The following DLGAP2 variants were observed in gnomAD, a reference collection of about 807,000 sequenced individuals.
The protein encoded by DLGAP2 is disks large-associated protein 2.
In DLGAP2, 26 loss-of-function variants were observed where a neutral mutation model predicts 100.3. That is an observed-to-expected ratio of 0.26 (90% CI 0.19 to 0.36). The LOEUF (loss-of-function observed/expected upper bound fraction) is 0.36. Ranked by LOEUF, DLGAP2 falls within the 10% of genes least tolerant of loss-of-function variation. The pLI is 1.00. For missense variants in DLGAP2, 1,858 were observed against 1,453.2 expected (o/e 1.28, Z -4.53); for synonymous variants, 886 against 630.1 (o/e 1.41, Z -6.08).
intron 2 of DLGAP2, among the ~76,000 whole-genome samples, chr8:997,857 CAT>C (rs994230998): frequency 1.2e-4 from 18 of 146,140 alleles, no homozygotes; most frequent in African/African-American, 3.9e-4. Flanking sequence ...TACATACACA[CAT>C]ACACACAAAC....
intron 3 of DLGAP2, among the ~76,000 whole-genome samples, chr8:1,441,514 C>T (rs1322531074): frequency 1.3e-5 from 2 of 151,674 alleles, no homozygotes; most frequent in Non-Finnish European, 2.9e-5. Flanking sequence ...ATGGTGAAAC[C>T]CCGTCTCTAC....
intron 2 of DLGAP2, among the ~76,000 whole-genome samples, chr8:1,171,981 A>G (rs149936505): frequency 0.2 from 30,807 of 151,978 alleles, 4,004 homozygotes; most frequent in Non-Finnish European, 0.29. Flanking sequence ...CCTAGTCTGG[A>G]TGGTCTTTAC....
chr8:1,525,962 T>G (rs561723438), intron 4 of DLGAP2, among the ~76,000 whole-genome samples: 1 of 152,076 alleles, frequency 6.6e-6, no homozygotes, highest in Non-Finnish European at 1.5e-5. Context: ...TGTTTCAGAT[T>G]TGGAATTTTT....
At chr8:815,026 C>T (rs576554229) in intron 1 of DLGAP2, among the ~76,000 whole-genome samples, 6 of 152,064 alleles carry the variant, frequency 3.9e-5, no homozygotes, top group Admixed American at 1.3e-4. Context: ...GCACAGTTAA[C>T]GGAGCGGATA....
intron 1 of DLGAP2, among the ~76,000 whole-genome samples, chr8:907,250 A>G (rs1798399568): frequency 6.6e-6 from 1 of 152,178 alleles, no homozygotes; most frequent in Non-Finnish European, 1.5e-5. Flanking sequence ...CTTTTCCTCT[A>G]ATTGAGTTTA....
In DLGAP2 at chr8:1,677,451, G is replaced by C. The variant is rs371890252; in HGVS notation, c.2289-763G>C. ...ACTAACCAGCTGCATGCACAGCTGTGTGCTTCTATGGGTTCAGCCTGCAGA... is the reference window on the plus strand; with the variant it reads ...ACTAACCAGCTGCATGCACAGCTGTCTGCTTCTATGGGTTCAGCCTGCAGA... On this transcript the variant is annotated intron_variant, in intron 11 of 14. Transcript: ENST00000637795. Among the ~76,000 whole-genome samples, 4 of 152,296 alleles carry C rather than the reference G, an allele frequency of 2.6e-5. No homozygotes were observed. The East Asian group carries it at 5.8e-4, about 22-fold the overall frequency.
At chr8:1,311,393 A>T (rs888809348) in intron 3 of DLGAP2, among the ~76,000 whole-genome samples, 1 of 152,228 alleles carries the variant, frequency 6.6e-6, no homozygotes, top group African/African-American at 2.4e-5. Flanking sequence ...TTCCAAAAAA[A>T]TAGAAGTGGA....
intron 2 of DLGAP2, among the ~76,000 whole-genome samples, chr8:1,162,835 G>A (rs1465007336): frequency 1.3e-5 from 2 of 152,210 alleles, no homozygotes; most frequent in Non-Finnish European, 2.9e-5. Context: ...GGTCCCCTGG[G>A]TGCTGCTGTG....
chr8:1,445,719 G>T (rs1490135027), intron 3 of DLGAP2, among the ~76,000 whole-genome samples: 1 of 152,138 alleles, frequency 6.6e-6, no homozygotes, highest in South Asian at 2.1e-4. Flanking sequence ...GTGTAAAAGT[G>T]TTCCTATTTC....
intron 1 of DLGAP2, among the ~76,000 whole-genome samples, chr8:781,962 G>C (rs1821700155): frequency 6.6e-6 from 1 of 152,134 alleles, no homozygotes; most frequent in Non-Finnish European, 1.5e-5. Context: ...TGATTAATGG[G>C]TAGAAATGTA....
chr8:1,179,952 T>A (rs180828549), intron 2 of DLGAP2, among the ~76,000 whole-genome samples: 1 of 152,340 alleles, frequency 6.6e-6, no homozygotes, highest in Admixed American at 6.5e-5. Flanking sequence ...AAATAAAGAT[T>A]GGATGCTTGT....
intron 5 of DLGAP2, among the ~76,000 whole-genome samples, chr8:1,564,232 A>T (rs1245691280): frequency 2.0e-5 from 3 of 152,192 alleles, no homozygotes; most frequent in Admixed American, 6.5e-5. Context: ...GGGGAAAAGA[A>T]ACCAGGTCCT....
rs558155862 is a variant in DLGAP2 at position 775,010 on chromosome 8, C to T, written c.18+37185C>T. Among the ~76,000 whole-genome samples the T allele has an allele frequency of 1.7e-4, 26 of 152,002 alleles. 1 individual carries two copies. In the South Asian group the frequency reaches 5.4e-3, roughly 32 times the overall value. ...GGAATGTTCTTCCATTTGTTTGTAT[C>T]CTCTTTTATTTCTTTGAGCAGTGGT... On this transcript the variant is annotated intron_variant, in intron 1 of 14. Transcript: ENST00000637795.
At chr8:1,698,002 GTTAT>G (rs1799448150) in intron 14 of DLGAP2, among the ~76,000 whole-genome samples, 1 of 152,214 alleles carries the variant, frequency 6.6e-6, no homozygotes, top group Non-Finnish European at 1.5e-5. Context: ...CTAGACAAAT[GTTAT>G]TAATTAAAAT....
chr8:988,204 T>G (rs1800543214), intron 2 of DLGAP2, among the ~76,000 whole-genome samples: 1 of 152,208 alleles, frequency 6.6e-6, no homozygotes, highest in African/African-American at 2.4e-5. Flanking sequence ...TTTAGTACCC[T>G]TTAGTATTCA....
intron 12 of DLGAP2, among the ~76,000 whole-genome samples, chr8:1,683,805 T>A (rs1799022410): frequency 7.5e-6 from 1 of 133,524 alleles, no homozygotes; most frequent in South Asian, 2.5e-4. Flanking sequence ...TCCACTGAAA[T>A]GATCCTGATT....
rs539315680 is a variant in DLGAP2 at position 1,324,541 on chromosome 8, T to G, written c.106+65658T>G. ...TTACCCATTAACACATTGCTCAGGA[T>G]GTAAAACTGTCCAGGACACAGTGTT... On this transcript the variant is annotated intron_variant, in intron 3 of 14. Coordinates refer to ENST00000637795, the MANE Select transcript of DLGAP2 (RefSeq NM_001346810.2). 5.3e-5 allele frequency among the ~76,000 whole-genome samples: 8 copies of G among 152,308 alleles called. No individual in the cohort carries two copies. In the South Asian group the frequency reaches 1.0e-3, roughly 20 times the overall value.
At chr8:1,475,465 A>C (rs556658927) in intron 3 of DLGAP2, among the ~76,000 whole-genome samples, 3 of 152,310 alleles carry the variant, frequency 2.0e-5, no homozygotes, top group South Asian at 4.1e-4. Flanking sequence ...AGCAGGCATC[A>C]AAATGAGAGC....
intron 12 of DLGAP2, chr8:1,680,519 AATC>A (rs756657630): frequency 2.0e-5 from 3 of 152,242 alleles, no homozygotes; most frequent in Non-Finnish European, 4.4e-5. Context: ...TTTGTCTCTT[AATC>A]ATCAAATCCC....
Sources: gnomAD v4.1 joint callset for allele counts (sites outside exome capture counted in the v4.1 genomes callset) on GRCh38, gnomAD v4.1.1 for gene constraint, MANE v1.5 for transcripts, NCBI Gene and HGNC (gene_info 2026-07-23, HGNC 2026-07-21) for gene names.